Variants in KAZN observed in about 807,000 individuals in gnomAD.
KAZN encodes kazrin, periplakin interacting protein.
Under a neutral mutation model 87.4 loss-of-function variants are expected in KAZN, and 40 were observed. The ratio of observed to expected loss-of-function variants is 0.46; its 90% CI spans 0.36 to 0.60. The LOEUF is 0.60. Among genes scored for constraint, KAZN ranks in the 20% least tolerant of loss-of-function variants. The pLI is 0.00. For missense variants in KAZN, 898 were observed against 1,073.9 expected, an observed-to-expected ratio of 0.84 and a Z score of 2.29; for synonymous variants, 466 against 458.3, an observed-to-expected ratio of 1.02 and a Z score of -0.22.
chr1:14,318,783 A>C (rs978916626), intron 2 of KAZN, among the ~76,000 whole-genome samples: 1 of 151,882 alleles, frequency 6.6e-6, no homozygotes, highest in Admixed American at 6.6e-5. Flanking sequence ...CTAACTTTTT[A>C]CTCTTCAGTA....
rs779516789 is a variant in KAZN, at chr1:14,609,795, T to C, written c.226+10572T>C. Among the ~76,000 whole-genome samples the C allele has an allele frequency of 8.5e-4, 130 of 152,358 alleles. 4 individuals carry two copies. The highest frequency in any genetic ancestry group is 6.2e-4 in the South Asian group (3 of 4,830). ...GATTGAATTGAGGTAGACGCAGCAA[T>C]CTATTTCTCAGCTCAGGAAACTGAG... On this transcript the variant is annotated intron_variant, in intron 1 of 14. Coordinates refer to ENST00000376030, the MANE Select transcript of KAZN (RefSeq NM_201628.3).
chr1:14,631,896 C>T (rs917082767), intron 1 of KAZN, among the ~76,000 whole-genome samples: 4 of 152,204 alleles, frequency 2.6e-5, no homozygotes, highest in Admixed American at 2.6e-4. Flanking sequence ...GGTCAGCTCT[C>T]TTAATATCAC....
At chr1:14,787,873 G>A (rs1645555652) in intron 1 of KAZN, among the ~76,000 whole-genome samples, 1 of 152,092 alleles carries the variant, frequency 6.6e-6, no homozygotes, top group Non-Finnish European at 1.5e-5. Context: ...AAAACCTGGG[G>A]AACCAGTTCA....
At chr1:15,102,374 A>T (rs1464026402) in intron 11 of KAZN, among the ~76,000 whole-genome samples, 6 of 152,064 alleles carry the variant, frequency 3.9e-5, no homozygotes, top group Admixed American at 3.9e-4. Context: ...ATGAGAGAAA[A>T]AGTAACCCAG....
intron 1 of KAZN, among the ~76,000 whole-genome samples, chr1:14,005,619 T>C (rs954481753): frequency 6.6e-6 from 1 of 152,132 alleles, no homozygotes; most frequent in Admixed American, 6.5e-5. Context: ...AAAAATGGAA[T>C]TTGAACTGAC....
intron 1 of KAZN, among the ~76,000 whole-genome samples, chr1:14,688,143 T>G (rs1641066652): frequency 6.6e-6 from 1 of 152,210 alleles, no homozygotes; most frequent in Non-Finnish European, 1.5e-5. Context: ...GCTTTTACTG[T>G]CTTCATACCC....
intron 2 of KAZN, among the ~76,000 whole-genome samples, chr1:14,484,145 A>G (rs1192113747): frequency 6.6e-6 from 1 of 152,132 alleles, no homozygotes; most frequent in Non-Finnish European, 1.5e-5. Context: ...TGCCAGTACG[A>G]TGGTGTTTTA....
chr1:14,093,651 C>A (rs1644059203), intron 1 of KAZN, among the ~76,000 whole-genome samples: 1 of 151,276 alleles, frequency 6.6e-6, no homozygotes. Context: ...GAGTCTAAGT[C>A]TGCTGAAAAA....
chr1:14,708,343 A>G (rs1433785748), intron 1 of KAZN, among the ~76,000 whole-genome samples: 1 of 152,196 alleles, frequency 6.6e-6, no homozygotes, highest in Non-Finnish European at 1.5e-5. Flanking sequence ...GATATTTTGC[A>G]CTGCTGATTC....
chr1:14,692,645 G>A (rs138638077), intron 1 of KAZN: 2,865 of 152,616 alleles, frequency 0.019, 35 homozygotes, highest in Non-Finnish European at 0.028. Flanking sequence ...AGAAGAAGGA[G>A]CAGAGGCTGG....
chr1:14,914,067 C>A (rs893776122), intron 1 of KAZN, among the ~76,000 whole-genome samples: 1 of 152,222 alleles, frequency 6.6e-6, no homozygotes, highest in African/African-American at 2.4e-5. Flanking sequence ...CTGGGCAGGG[C>A]AGTGGCCCTC....
chr1:15,036,733 A>G (rs1672378314), intron 3 of KAZN, among the ~76,000 whole-genome samples: 1 of 152,232 alleles, frequency 6.6e-6, no homozygotes, highest in East Asian at 1.9e-4. Flanking sequence ...GGACACCGCT[A>G]TCCTGTCTGA....
chr1:14,067,760 A>G (rs1192826283), intron 1 of KAZN, among the ~76,000 whole-genome samples: 1 of 152,192 alleles, frequency 6.6e-6, no homozygotes, highest in Non-Finnish European at 1.5e-5. Flanking sequence ...AAAAACCTTG[A>G]AAGTTCTGGG....
At chr1:14,343,554 TGCTTTTA>T (rs780327309) in intron 2 of KAZN, among the ~76,000 whole-genome samples, 11 of 152,292 alleles carry the variant, frequency 7.2e-5, no homozygotes, top group Non-Finnish European at 1.5e-4. Context: ...CCATGTGTGA[TGCTTTTA>T]AAACCTCAGG....
At chr1:14,695,581 T>C (rs1641557820) in intron 1 of KAZN, among the ~76,000 whole-genome samples, 1 of 147,932 alleles carries the variant, frequency 6.8e-6, no homozygotes, top group Non-Finnish European at 1.5e-5. Flanking sequence ...TCTCGGCTCA[T>C]TGCAACCTCT....
At chr1:14,557,399 C>A (rs1673949158) in intron 2 of KAZN, among the ~76,000 whole-genome samples, 1 of 152,072 alleles carries the variant, frequency 6.6e-6, no homozygotes, top group Non-Finnish European at 1.5e-5. Context: ...AAATCAAAAT[C>A]TCCAATGTCC....
At chr1:14,876,066 G>A (rs1652733417) in intron 1 of KAZN, among the ~76,000 whole-genome samples, 1 of 152,216 alleles carries the variant, frequency 6.6e-6, no homozygotes, top group African/African-American at 2.4e-5. Context: ...AGGCAAGGAG[G>A]AAGAAGAAAG....
intron 1 of KAZN, among the ~76,000 whole-genome samples, chr1:14,809,654 T>C (rs1646342263): frequency 6.6e-6 from 1 of 152,206 alleles, no homozygotes; most frequent in Non-Finnish European, 1.5e-5. Flanking sequence ...TTTTAAAAAT[T>C]TCTGGTAGGC....
chr1:14,607,369 G>A lies in KAZN; in HGVS notation c.226+8146G>A, dbSNP rs556344922. Among the ~76,000 whole-genome samples the A allele has an allele frequency of 9.1e-4, 139 of 152,320 alleles. 1 individual carries two copies. Among genetic ancestry groups the A allele is most frequent in the African/African-American group, 3.3e-3 (137 of 41,566 alleles). On this transcript the variant is annotated intron_variant, in intron 1 of 14. Transcript: ENST00000376030. ...GGTCACCGAGCTAGCAAGTGGCAGA[G>A]CCAGGATACAAACACAAGCCAGTGT...
Sources: allele counts gnomAD v4.1 joint callset (sites outside exome capture counted in the v4.1 genomes callset), GRCh38; gene constraint gnomAD v4.1.1; transcripts MANE v1.5; gene names NCBI Gene and HGNC (gene_info 2026-07-23, HGNC 2026-07-21).